The following SMARCC1 variants were observed in gnomAD, a reference collection of about 807,000 sequenced individuals.
The protein encoded by SMARCC1 is SWI/SNF complex subunit SMARCC1.
Under a neutral mutation model 147.4 loss-of-function variants are expected in SMARCC1, and 43 were observed. That is an observed-to-expected ratio of 0.29 (90% CI 0.23 to 0.38). The LOEUF (loss-of-function observed/expected upper bound fraction) is 0.38. SMARCC1 is among the 10% of genes least tolerant of loss of function. The probability of loss-of-function intolerance (pLI) is 1.00; values close to 1 mark genes in which losing one functional copy is unlikely to be tolerated. For synonymous variants in SMARCC1, 495 were observed against 484.4 expected (o/e 1.02, Z -0.29); for missense variants, 1,119 against 1,381.1 (o/e 0.81, Z 3.01).
At chr3:47,666,407 G>C (rs1559639247) in intron 19 of SMARCC1, among the ~76,000 whole-genome samples, 1 of 152,054 alleles carries the variant, frequency 6.6e-6, no homozygotes, top group Non-Finnish European at 1.5e-5. Context: ...AGCAGACTAT[G>C]AATTCCTTAA....
At chr3:47,734,439 G>A (rs1275448626) in intron 5 of SMARCC1, among the ~76,000 whole-genome samples, 3 of 152,096 alleles carry the variant, frequency 2.0e-5, no homozygotes, top group Non-Finnish European at 4.4e-5. Context: ...GAACATGCAA[G>A]ATATTTTACT....
In SMARCC1 at chr3:47,671,196, A is replaced by AAAAAAAAAAAAAAAAAAAAAC. The variant is rs753672169; in HGVS notation, c.1840-480_1840-479insGTTTTTTTTTTTTTTTTTTTT. Among the ~76,000 whole-genome samples, 119 of 81,182 alleles carry AAAAAAAAAAAAAAAAAAAAAC rather than the reference A, an allele frequency of 1.5e-3. 6 individuals carry two copies. Among genetic ancestry groups the AAAAAAAAAAAAAAAAAAAAAC allele is most frequent in the South Asian group, 2.5e-3 (5 of 2,016 alleles). The allele number at this position is 81,182 out of a possible 152,430, so 53.3% of individuals were successfully genotyped here. On this transcript the variant is annotated intron_variant, in intron 18 of 27. Coordinates refer to ENST00000254480, the MANE Select transcript of SMARCC1 (RefSeq NM_003074.4). ...CTCAAAAAAAAAAAAAAAAAAAAAA[A>AAAAAAAAAAAAAAAAAAAAAC]AACACACACAAAAACCAAAACCAAA... is the stretch of plus-strand genomic sequence containing the variant.
At chr3:47,684,852 TATACACATAA>T (rs751271054) in intron 14 of SMARCC1, among the ~76,000 whole-genome samples, 10 of 152,178 alleles carry the variant, frequency 6.6e-5, no homozygotes, top group Non-Finnish European at 7.3e-5. Flanking sequence ...TTTTCCTACG[TATACACATAA>T]ACACACACAT....
intron 21 of SMARCC1, among the ~76,000 whole-genome samples, chr3:47,659,310 T>C (rs1355268823): frequency 2.7e-5 from 4 of 147,916 alleles, no homozygotes; most frequent in Admixed American, 2.0e-4. Context: ...AAAAGAACAA[T>C]TCCTAACTTA....
At chr3:47,712,881 T>TATTTCCCTGTA (rs1345561230) in intron 8 of SMARCC1, among the ~76,000 whole-genome samples, 2 of 152,334 alleles carry the variant, frequency 1.3e-5, no homozygotes, top group East Asian at 3.9e-4. Context: ...TTCCCAGTTC[T>TATTTCCCTGTA]GATACTATAA....
intron 3 of SMARCC1, among the ~76,000 whole-genome samples, chr3:47,744,018 T>C (rs1481970516): frequency 6.6e-6 from 1 of 152,016 alleles, no homozygotes; most frequent in Non-Finnish European, 1.5e-5. Flanking sequence ...ACAAACCATC[T>C]CTACAAGTAC....
chr3:47,780,981 C>T (rs1244214363), intron 1 of SMARCC1, among the ~76,000 whole-genome samples: 1 of 152,136 alleles, frequency 6.6e-6, no homozygotes, highest in Non-Finnish European at 1.5e-5. Context: ...AAAGGTGACA[C>T]AAGAAAAGTG....
chr3:47,709,044 T>C (rs1163663988), intron 9 of SMARCC1, among the ~76,000 whole-genome samples: 1 of 152,192 alleles, frequency 6.6e-6, no homozygotes, highest in African/African-American at 2.4e-5. Flanking sequence ...GTGGATCAAC[T>C]GAGGTCAGAA....
chr3:47,773,010 C>T (rs1381227526), intron 1 of SMARCC1, 74 bp from the exon 2 acceptor site: 9 of 1,384,542 alleles, frequency 6.5e-6, no homozygotes, highest in Non-Finnish European at 9.1e-6. Flanking sequence ...CTTCCTAGTA[C>T]CTACTAAGTA....
chr3:47,608,866 A>AT (rs1163676806), intron 26 of SMARCC1, among the ~76,000 whole-genome samples: 1 of 151,208 alleles, frequency 6.6e-6, no homozygotes, highest in African/African-American at 2.4e-5. Flanking sequence ...AAAAAAAAAA[A>AT]AAAAAAAAGT....
chr3:47,662,626 G>A (rs753734533), intron 19 of SMARCC1, 34 bp from the exon 20 acceptor site: 20 of 1,590,084 alleles, frequency 1.3e-5, no homozygotes, highest in Non-Finnish European at 1.4e-5. Context: ...TTCATGTCAG[G>A]TAACAAGAAA....
At chr3:47,739,527 C>A (rs1460537946) in intron 3 of SMARCC1, among the ~76,000 whole-genome samples, 2 of 152,104 alleles carry the variant, frequency 1.3e-5, no homozygotes, top group Non-Finnish European at 2.9e-5. Context: ...AGCCAAAGGT[C>A]TCACTATGTT....
intron 16 of SMARCC1, 57 bp from the exon 17 acceptor site, chr3:47,676,839 C>T: frequency 6.9e-7 from 1 of 1,448,846 alleles, no homozygotes; most frequent in Non-Finnish European, 9.6e-7. Context: ...TGTGCTTTTA[C>T]TATCATCATC....
chr3:47,593,175 A>C (rs747123939), intron 26 of SMARCC1, among the ~76,000 whole-genome samples: 1 of 136,934 alleles, frequency 7.3e-6, no homozygotes, highest in Non-Finnish European at 1.6e-5. Flanking sequence ...AGTTTAATGG[A>C]AACAATCAAG....
intron 2 of SMARCC1, among the ~76,000 whole-genome samples, chr3:47,747,796 G>T (rs1432059895): frequency 2.0e-5 from 3 of 151,736 alleles, no homozygotes; most frequent in Admixed American, 1.3e-4. Flanking sequence ...TTGTCACAAA[G>T]AAACAAAAGA....
chr3:47,666,837 AG>A (rs1417346165), intron 19 of SMARCC1, among the ~76,000 whole-genome samples: 2 of 152,150 alleles, frequency 1.3e-5, no homozygotes, highest in African/African-American at 4.8e-5. Flanking sequence ...CCTTAAGAAA[AG>A]TTTTTTAATA....
chr3:47,708,096 T>TTTTTC (rs1559650609), intron 9 of SMARCC1, among the ~76,000 whole-genome samples: 6 of 112,610 alleles, frequency 5.3e-5, no homozygotes, highest in South Asian at 3.2e-4. Context: ...TTTTTTTTTT[T>TTTTTC]TTTTTTTTTT....
chr3:47,675,724 G>A (rs2033561956), intron 17 of SMARCC1, 136 bp from the exon 18 acceptor site: 2 of 526,562 alleles, frequency 3.8e-6, no homozygotes, highest in South Asian at 4.1e-5. Flanking sequence ...GAGGCAGGCG[G>A]ATCACAAGGT....
At chr3:47,748,333 C>G (rs904583303) in intron 2 of SMARCC1, among the ~76,000 whole-genome samples, 1 of 152,058 alleles carries the variant, frequency 6.6e-6, no homozygotes, top group South Asian at 2.1e-4. Flanking sequence ...CGTATCTCAG[C>G]CTCCCAAGTA....
Sources: gnomAD v4.1 joint callset for allele counts (sites outside exome capture counted in the v4.1 genomes callset) on GRCh38, gnomAD v4.1.1 for gene constraint, MANE v1.5 for transcripts, NCBI Gene and HGNC (gene_info 2026-07-23, HGNC 2026-07-21) for gene names.